The following NCOR1 variants were observed in gnomAD, a reference collection of about 807,000 sequenced individuals.
NCOR1 encodes protein phosphatase 1, regulatory subunit 109.
In NCOR1, 63 loss-of-function variants were observed where a neutral mutation model predicts 288.1. The observed-to-expected ratio is 0.22, with a 90% CI of 0.18 to 0.27. The LOEUF (loss-of-function observed/expected upper bound fraction) is 0.27. Ranked by LOEUF, NCOR1 falls within the 10% of genes least tolerant of loss-of-function variation. The pLI is 1.00. For missense variants in NCOR1, 2,397 were observed against 3,019.2 expected (o/e 0.79, Z 4.83); for synonymous variants, 1,007 against 1,065.9 (o/e 0.94, Z 1.08).
At position 16,091,962 on chromosome 17, in the gene NCOR1, G is replaced by C; in HGVS notation, c.2917C>G (p.Leu973Val). 6.2e-7 allele frequency: 1 copy of C among 1,614,218 alleles called. No individual in the cohort carries two copies. The highest frequency in any genetic ancestry group is 2.2e-5 in the East Asian group (1 of 44,884). ...HIKAMHESAL[L>V]EEQRQRQEQI... ...TCTTGTCTCTGCCGCTGCTCCTCCA[G>C]GAGTGCTGACTCATGCATTGCTTTA... The change falls in exon 22 of 46, where the codon CTG becomes GTG. Residue 973 changes from leucine (L) to valine (V), a missense_variant. This residue lies in a region of NCOR1 where 1,872 missense variants were observed against 2,187.8 expected (regional missense o/e 0.86). Transcript: ENST00000268712.
intron 3 of NCOR1, among the ~76,000 whole-genome samples, chr17:16,179,871 G>A (rs924215514): frequency 2.1e-4 from 32 of 151,376 alleles, no homozygotes; most frequent in South Asian, 6.3e-4. Context: ...AAAATTAGCC[G>A]GGCGTGAAGC....
intron 22 of NCOR1, chr17:16,091,550 TCTCA>T (rs3030848): frequency 1.1e-5 from 13 of 1,149,972 alleles, no homozygotes; most frequent in Non-Finnish European, 1.4e-5. Flanking sequence ...GGACAACAAT[TCTCA>T]CTCTGAAAAT....
intron 7 of NCOR1, 51 bp from the exon 8 acceptor site, chr17:16,152,049 G>T: frequency 1.6e-6 from 2 of 1,236,280 alleles, no homozygotes; most frequent in Non-Finnish European, 2.3e-6. Context: ...ATATGTCTAT[G>T]AAGAGACAAA....
At chr17:16,114,717 G>T (rs1428263560) in intron 18 of NCOR1, among the ~76,000 whole-genome samples, 1 of 152,212 alleles carries the variant, frequency 6.6e-6, no homozygotes, top group Admixed American at 6.5e-5. Context: ...TCACGTCCAG[G>T]TCGTGCTGAT....
Position 16,127,491 on chromosome 17 carries a change from ATG to A in NCOR1, c.1510-1287_1510-1286del, listed in dbSNP as rs1180010063. ...TATGTGTATATATACACGTGTGTAT[ATG>A]TGCATGTATATACATATGTGTATAT... On this transcript the variant is annotated intron_variant, in intron 14 of 45. Transcript: ENST00000268712. Among the ~76,000 whole-genome samples, 3 of 147,050 alleles carry A rather than the reference ATG, an allele frequency of 2.0e-5. 1 individual carries two copies. The highest frequency in any genetic ancestry group is 7.4e-5 in the African/African-American group (3 of 40,296).
chr17:16,032,983 G>T (rs916264325), intron 45 of NCOR1, among the ~76,000 whole-genome samples: 6 of 152,164 alleles, frequency 3.9e-5, no homozygotes, highest in African/African-American at 1.4e-4. Flanking sequence ...GGTAATTAAT[G>T]AACACTGCTA....
chr17:16,039,723 C>T, intron 43 of NCOR1, 69 bp from the exon 44 acceptor site: 6 of 1,363,790 alleles, frequency 4.4e-6, no homozygotes, highest in South Asian at 2.5e-5. Flanking sequence ...ATGCATTGCC[C>T]CATCAGCCCA....
chr17:16,088,507 T>C (rs1192562324), intron 22 of NCOR1, among the ~76,000 whole-genome samples: 2 of 152,198 alleles, frequency 1.3e-5, no homozygotes, highest in African/African-American at 4.8e-5. Context: ...TTGATTCTTT[T>C]AGGCTTTCTA....
chr17:16,127,626 T>C (rs968613173), intron 14 of NCOR1, among the ~76,000 whole-genome samples: 1 of 147,368 alleles, frequency 6.8e-6, no homozygotes, highest in East Asian at 2.0e-4. Context: ...TGTGTATATA[T>C]ACATATATGT....
chr17:16,215,390 G>T lies in NCOR1; in HGVS notation c.-99C>A, dbSNP rs776872178. The T allele has an allele frequency of 2.5e-6, 1 of 395,346 alleles. No individual in the cohort carries two copies. The highest frequency in any genetic ancestry group is 2.1e-5 in the African/African-American group (1 of 48,460). 24.5% of individuals were successfully genotyped at this position (395,346 alleles called of 1,614,324 possible). On this transcript the variant is annotated 5_prime_UTR_variant, in exon 1 of 46. Transcript: ENST00000268712. ...GAGCTGGCTAAGCGTGGGAGCCGACGTGCGCCCCGGCCTGAGGAGTGGGAC... is the reference window on the plus strand; with the variant it reads ...GAGCTGGCTAAGCGTGGGAGCCGACTTGCGCCCCGGCCTGAGGAGTGGGAC...
chr17:16,087,438 C>T lies in NCOR1; in HGVS notation c.3017-996G>A, dbSNP rs550679493. 1.8e-5 allele frequency: 13 copies of T among 727,104 alleles called. No homozygotes were observed. In the East Asian group the frequency reaches 8.7e-4, roughly 48 times the overall value. 45.0% of individuals were successfully genotyped at this position (727,104 alleles called of 1,614,324 possible). A position where few individuals can be genotyped will look rare whatever the true frequency, so the allele number is the denominator to read the frequency against. On this transcript the variant is annotated intron_variant, in intron 22 of 45. Coordinates refer to ENST00000268712, the MANE Select transcript of NCOR1 (RefSeq NM_006311.4). The stretch of plus-strand genomic sequence containing the variant: ...AAGCCCACACCATCCAGGGGCTGAT[C>T]CGACTATAACATTAAAGTCTAAAAC...
intron 26 of NCOR1, among the ~76,000 whole-genome samples, chr17:16,079,745 G>T (rs954777079): frequency 2.0e-5 from 3 of 152,130 alleles, no homozygotes; most frequent in South Asian, 2.1e-4. Flanking sequence ...TTGCAAATAA[G>T]TGACCTTTTC....
chr17:16,154,881 G>T (rs1156727487), intron 6 of NCOR1, among the ~76,000 whole-genome samples: 1 of 152,148 alleles, frequency 6.6e-6, no homozygotes, highest in East Asian at 1.9e-4. Flanking sequence ...ATATTTAGGA[G>T]GTGGGACTAA....
At chr17:16,126,501 C>A (rs541445982) in intron 14 of NCOR1, among the ~76,000 whole-genome samples, 2 of 152,206 alleles carry the variant, frequency 1.3e-5, no homozygotes, top group South Asian at 4.2e-4. Flanking sequence ...GCAACCTCCA[C>A]ATTTAATCTG....
chr17:16,163,499 A>T lies in NCOR1; in HGVS notation c.618+1480T>A, dbSNP rs139605541. Among the ~76,000 whole-genome samples, 7 of 152,268 alleles carry T rather than the reference A, an allele frequency of 4.6e-5. 1 individual carries two copies. The South Asian group carries it at 6.2e-4, about 14-fold the overall frequency. Reference sequence around the variant, plus strand: ...TCTCCAAGGATGGCTATATTTTTTTAAAAAAGGAAAATAACAGATGTTGGC... The same window carrying T: ...TCTCCAAGGATGGCTATATTTTTTTTAAAAAGGAAAATAACAGATGTTGGC... On this transcript the variant is annotated intron_variant, in intron 5 of 45. Transcript: ENST00000268712.
chr17:16,191,590 T>TAAA (rs35992976), intron 2 of NCOR1, among the ~76,000 whole-genome samples: 18 of 151,206 alleles, frequency 1.2e-4, no homozygotes, highest in East Asian at 3.9e-4. Context: ...CTAATGGATT[T>TAAA]AAAAAAAATA....
chr17:16,166,548 C>T (rs1240808723), intron 4 of NCOR1, among the ~76,000 whole-genome samples: 5 of 152,016 alleles, frequency 3.3e-5, no homozygotes, highest in East Asian at 1.9e-4. Flanking sequence ...GGCGTGGTGG[C>T]GGGCACCTGT....
At chr17:16,071,071 A>G (rs2061696840) in intron 30 of NCOR1, among the ~76,000 whole-genome samples, 1 of 152,136 alleles carries the variant, frequency 6.6e-6, no homozygotes, top group African/African-American at 2.4e-5. Flanking sequence ...ACTTGAGCTC[A>G]GGAGTTCGAG....
chr17:16,049,387 C>T (rs2059043198), intron 40 of NCOR1: 1 of 154,448 alleles, frequency 6.5e-6, no homozygotes, highest in Non-Finnish European at 1.4e-5. Context: ...CTGACCAGTT[C>T]TTTCATCGTC....
Sources: gnomAD v4.1 joint callset for allele counts (sites outside exome capture counted in the v4.1 genomes callset) on GRCh38, gnomAD v4.1.1 for gene constraint, gnomAD v4.1.1 regional missense constraint, MANE v1.5 for transcripts, NCBI Gene and HGNC (gene_info 2026-07-23, HGNC 2026-07-21) for gene names.